The following SLC25A26 variants were observed in gnomAD, a reference collection of about 807,000 sequenced individuals.
SLC25A26 encodes mitochondrial S-adenosylmethionine carrier protein.
A neutral mutation model predicts 37.8 loss-of-function variants in SLC25A26; 36 were observed. The observed-to-expected ratio is 0.95, with a 90% CI of 0.73 to 1.26. The LOEUF (loss-of-function observed/expected upper bound fraction) is 1.26, where lower values mean the gene tolerates loss of function less well. Ranked by LOEUF, SLC25A26 falls within the 50% of genes most tolerant of loss-of-function variation. SLC25A26 has a pLI of 0.00. For missense variants in SLC25A26, 390 were observed against 331.1 expected (o/e 1.18, Z -1.38); for synonymous variants, 129 against 122.5 (o/e 1.05, Z -0.35).
upstream of SLC25A26, chr3:66,220,634 A>T (rs1402836705): frequency 6.1e-6 from 1 of 163,348 alleles, no homozygotes; most frequent in Non-Finnish European, 1.3e-5. Flanking sequence ...CTAAGAGATA[A>T]ACCAAAATGA....
At chr3:66,209,571 G>A (rs915793789) in intron 1 of SLC25A26, among the ~76,000 whole-genome samples, 12 of 136,446 alleles carry the variant, frequency 8.8e-5, no homozygotes, top group East Asian at 4.4e-4. Flanking sequence ...TTTTATATAC[G>A]TATAAAAGTA....
chr3:66,167,971 T>C (rs919748769), intron 1 of SLC25A26, among the ~76,000 whole-genome samples: 1 of 151,676 alleles, frequency 6.6e-6, no homozygotes, highest in African/African-American at 2.4e-5. Context: ...CTGACCAACA[T>C]GGAGAAAGCC....
At chr3:66,197,922 G>T (rs2071065995) in intron 1 of SLC25A26, among the ~76,000 whole-genome samples, 23 of 152,174 alleles carry the variant, frequency 1.5e-4, no homozygotes, top group Non-Finnish European at 1.5e-5. Context: ...TCAGAGGAAG[G>T]GCCAAGGACA....
At chr3:66,314,379 G>T (rs1559689192) in intron 5 of SLC25A26, among the ~76,000 whole-genome samples, 1 of 152,030 alleles carries the variant, frequency 6.6e-6, no homozygotes, top group Non-Finnish European at 1.5e-5. Context: ...ATAATCATGT[G>T]GTTTTTGTTT....
intron 1 of SLC25A26, among the ~76,000 whole-genome samples, chr3:66,231,858 A>G (rs1053066641): frequency 6.6e-6 from 1 of 151,552 alleles, no homozygotes; most frequent in African/African-American, 2.4e-5. Context: ...TGCAACCTCA[A>G]ACTCCTGGGC....
chr3:66,210,675 G>A lies in SLC25A26; in HGVS notation c.-353-10067G>A, dbSNP rs1025922708. 3.6e-3 allele frequency among the ~76,000 whole-genome samples: 551 copies of A among 152,218 alleles called. 2 individuals are homozygous for A. The highest frequency in any genetic ancestry group is 0.017 in the East Asian group (86 of 5,170). On this transcript the variant is annotated intron_variant, in intron 1 of 10. Coordinates refer to the SLC25A26 transcript ENST00000676754. ...CTATAGAAGCAGGCCAACATGCGAG[G>A]CTAATTTTTGTATTTATTTGTAAAG...
At chr3:66,179,636 C>A (rs2070657476) in intron 1 of SLC25A26, among the ~76,000 whole-genome samples, 1 of 152,142 alleles carries the variant, frequency 6.6e-6, no homozygotes, top group South Asian at 2.1e-4. Context: ...AACTATACTT[C>A]TATATTTCCT....
intron 1 of SLC25A26, among the ~76,000 whole-genome samples, chr3:66,205,353 A>G (rs2071162863): frequency 6.6e-6 from 1 of 152,206 alleles, no homozygotes; most frequent in Non-Finnish European, 1.5e-5. Flanking sequence ...TAGGAAGCAG[A>G]TGCACTCATA....
intron 9 of SLC25A26, among the ~76,000 whole-genome samples, chr3:66,377,381 A>G (rs1340526087): frequency 1.3e-5 from 2 of 152,058 alleles, no homozygotes; most frequent in Non-Finnish European, 2.9e-5. Context: ...AAATCTCTTC[A>G]CTGAGCAACC....
intron 9 of SLC25A26, among the ~76,000 whole-genome samples, chr3:66,373,137 G>C (rs1489544660): frequency 6.6e-6 from 1 of 152,164 alleles, no homozygotes; most frequent in Non-Finnish European, 1.5e-5. Flanking sequence ...CCCCTTTCTG[G>C]TTTTCTTCAC....
intron 5 of SLC25A26, among the ~76,000 whole-genome samples, chr3:66,325,639 G>A (rs904757604): frequency 6.6e-6 from 1 of 152,182 alleles, no homozygotes; most frequent in African/African-American, 2.4e-5. Context: ...ATAAGGGGGT[G>A]CAGGGAAGGC....
intron 7 of SLC25A26, among the ~76,000 whole-genome samples, chr3:66,365,677 A>C (rs2076808441): frequency 1.3e-5 from 2 of 152,162 alleles, no homozygotes; most frequent in South Asian, 2.1e-4. Flanking sequence ...GAAATTCGAG[A>C]ACAGGGTGAG....
At chr3:66,275,804 T>G (rs72901298) in intron 5 of SLC25A26, among the ~76,000 whole-genome samples, 2,248 of 152,226 alleles carry the variant, frequency 0.015, 65 homozygotes, top group African/African-American at 0.051. Flanking sequence ...CTATTTCATA[T>G]ATTCAAAACA....
intron 1 of SLC25A26, among the ~76,000 whole-genome samples, chr3:66,192,694 G>A (rs1453448243): frequency 1.3e-5 from 2 of 152,122 alleles, no homozygotes; most frequent in Non-Finnish European, 2.9e-5. Context: ...TGATAAGACA[G>A]TAAAATACAT....
At chr3:66,356,722 AG>A (rs2076584844) in intron 6 of SLC25A26, among the ~76,000 whole-genome samples, 1 of 152,142 alleles carries the variant, frequency 6.6e-6, no homozygotes, top group Non-Finnish European at 1.5e-5. Flanking sequence ...TCAACCTCCC[AG>A]GCTCAAGCAA....
chr3:66,217,119 C>T (rs988883731), upstream of SLC25A26, among the ~76,000 whole-genome samples: 1 of 152,180 alleles, frequency 6.6e-6, no homozygotes, highest in Non-Finnish European at 1.5e-5. Context: ...CAGAAAATGA[C>T]ATCAACACAA....
At chr3:66,262,266 T>G (rs2073560461) in intron 4 of SLC25A26, 111 bp downstream of exon 4, 2 of 521,178 alleles carry the variant, frequency 3.8e-6, no homozygotes, top group Admixed American at 8.1e-5. Context: ...AGAGCTAAAT[T>G]TAATGTCCAG....
At chr3:66,188,170 G>A (rs1006223786) in intron 1 of SLC25A26, among the ~76,000 whole-genome samples, 2 of 151,994 alleles carry the variant, frequency 1.3e-5, no homozygotes, top group South Asian at 2.1e-4. Flanking sequence ...CCTTGATCCC[G>A]TGCTTGACCT....
intron 1 of SLC25A26, among the ~76,000 whole-genome samples, chr3:66,194,820 C>T (rs1286893130): frequency 1.3e-5 from 2 of 152,298 alleles, no homozygotes; most frequent in African/African-American, 2.4e-5. Flanking sequence ...AGGCTGGTCT[C>T]GGACTCCCGA....
Sources: allele counts gnomAD v4.1 joint callset (sites outside exome capture counted in the v4.1 genomes callset), GRCh38; gene constraint gnomAD v4.1.1; transcripts MANE v1.5; gene names NCBI Gene and HGNC (gene_info 2026-07-23, HGNC 2026-07-21).